The following RGS6 variants were observed in gnomAD, a reference collection of about 807,000 sequenced individuals.
RGS6 encodes regulator of G protein signaling 6, also known as regulator of G-protein signaling 6.
RGS6 carries 30 observed loss-of-function variants against 78.5 expected under a neutral mutation model. The observed-to-expected ratio is 0.38, with a 90% CI of 0.29 to 0.52. The LOEUF is 0.52. Ranked by LOEUF, RGS6 falls within the 20% of genes least tolerant of loss-of-function variation. The pLI is 0.85. For missense variants in RGS6, 495 were observed against 609.7 expected, an observed-to-expected ratio of 0.81 and a Z score of 1.98; for synonymous variants, 206 against 206.0, an observed-to-expected ratio of 1.00 and a Z score of 0.00.
intron 16 of RGS6, among the ~76,000 whole-genome samples, chr14:72,539,744 A>G (rs1469915125): frequency 1.3e-5 from 2 of 152,210 alleles, no homozygotes; most frequent in African/African-American, 2.4e-5. Context: ...CAGCAAAGTC[A>G]TGATGGTTCT....
intron 2 of RGS6, among the ~76,000 whole-genome samples, chr14:72,327,717 T>C (rs1444547813): frequency 6.6e-6 from 1 of 152,214 alleles, no homozygotes; most frequent in African/African-American, 2.4e-5. Context: ...GGACTTGAGA[T>C]GCCTGGGTTC....
chr14:72,243,359 T>C (rs1019488912), intron 2 of RGS6, among the ~76,000 whole-genome samples: 5 of 151,968 alleles, frequency 3.3e-5, no homozygotes, highest in Non-Finnish European at 5.9e-5. Context: ...ATCTTGACTT[T>C]TGTCGCCACC....
intron 13 of RGS6, among the ~76,000 whole-genome samples, chr14:72,507,020 T>C (rs1431026783): frequency 1.8e-5 from 1 of 54,826 alleles, no homozygotes; most frequent in African/African-American, 5.0e-5. Context: ...AAAAAAAAAA[T>C]TAGCTGGCCA....
At chr14:72,457,401 G>A (rs1452212083) in intron 4 of RGS6, among the ~76,000 whole-genome samples, 1 of 152,154 alleles carries the variant, frequency 6.6e-6, no homozygotes, top group South Asian at 2.1e-4. Context: ...AAGATTGTGT[G>A]TGGTAGAAGC....
At chr14:71,925,327 C>T in the RGS6 span, among the ~76,000 whole-genome samples, 63,924 of 152,046 alleles carry the variant, frequency 0.42, 13,664 homozygotes, top group Admixed American at 0.5. Context: ...AGACATAAGG[C>T]TTGCAGGTAT....
chr14:72,622,669 C>A, the RGS6 span, among the ~76,000 whole-genome samples: 17 of 152,014 alleles, frequency 1.1e-4, no homozygotes, highest in Non-Finnish European at 2.1e-4. Flanking sequence ...CTTCCACCAC[C>A]AAGAGCCCCC....
At chr14:72,331,055 C>T (rs1399158588) in intron 2 of RGS6, among the ~76,000 whole-genome samples, 1 of 152,112 alleles carries the variant, frequency 6.6e-6, no homozygotes, top group Non-Finnish European at 1.5e-5. Flanking sequence ...GAGGATCAGT[C>T]TGTAGAGGGA....
chr14:72,265,603 C>T (rs1475922241), intron 2 of RGS6, among the ~76,000 whole-genome samples: 1 of 152,202 alleles, frequency 6.6e-6, no homozygotes, highest in Non-Finnish European at 1.5e-5. Flanking sequence ...CCACCTGCCG[C>T]TAACTACTGA....
At chr14:72,322,896 A>G (rs2072495462) in intron 2 of RGS6, among the ~76,000 whole-genome samples, 1 of 152,118 alleles carries the variant, frequency 6.6e-6, no homozygotes, top group African/African-American at 2.4e-5. Context: ...AGAGACATAC[A>G]CACATACATA....
intron 2 of RGS6, among the ~76,000 whole-genome samples, chr14:72,206,118 C>T (rs1211232443): frequency 6.6e-6 from 1 of 152,148 alleles, no homozygotes; most frequent in African/African-American, 2.4e-5. Context: ...CTATAATAGA[C>T]CAGGTAAATC....
At chr14:71,885,927 C>T in the RGS6 span, among the ~76,000 whole-genome samples, 3 of 150,874 alleles carry the variant, frequency 2.0e-5, no homozygotes, top group South Asian at 6.3e-4. Flanking sequence ...TCTTTCCCTC[C>T]CTCCCACTCT....
chr14:71,911,703 T>A, the RGS6 span, among the ~76,000 whole-genome samples: 1 of 152,022 alleles, frequency 6.6e-6, no homozygotes, highest in Middle Eastern at 3.4e-3. Context: ...TGAAGAATCA[T>A]GAGGTTCATA....
intron 2 of RGS6, among the ~76,000 whole-genome samples, chr14:72,072,097 C>G (rs2094428368): frequency 6.6e-6 from 1 of 152,176 alleles, no homozygotes; most frequent in Non-Finnish European, 1.5e-5. Context: ...CAAGCATTGT[C>G]CCATTTAGTT....
chr14:72,317,348 C>T (rs1352467391), intron 2 of RGS6, among the ~76,000 whole-genome samples: 1 of 152,054 alleles, frequency 6.6e-6, no homozygotes, highest in Non-Finnish European at 1.5e-5. Flanking sequence ...AATTTTCTGT[C>T]TAGATTCATC....
intron 2 of RGS6, among the ~76,000 whole-genome samples, chr14:72,261,985 T>C (rs911106456): frequency 6.6e-6 from 1 of 152,230 alleles, no homozygotes; most frequent in African/African-American, 2.4e-5. Flanking sequence ...ATTAAATCAC[T>C]GTAATTCATG....
At chr14:72,262,534 A>G (rs1478576013) in intron 2 of RGS6, among the ~76,000 whole-genome samples, 2 of 152,144 alleles carry the variant, frequency 1.3e-5, no homozygotes, top group East Asian at 1.9e-4. Flanking sequence ...GCCTATCTCT[A>G]CATATATTCA....
chr14:72,303,071 A>G (rs918736875), intron 2 of RGS6, among the ~76,000 whole-genome samples: 1 of 152,136 alleles, frequency 6.6e-6, no homozygotes, highest in Non-Finnish European at 1.5e-5. Context: ...ACCTCTTTTT[A>G]TGTCTTTATT....
rs139366012 is a variant in RGS6 at position 72,156,013 on chromosome 14, C to T, written c.84+191138C>T. On this transcript the variant is annotated intron_variant, in intron 2 of 17. Coordinates refer to ENST00000553525, the MANE Select transcript of RGS6 (RefSeq NM_001204424.2). ...TTAAAAAATACTGACACTTGGGTTC[C>T]GCTCTTGGAAATTCTAATGGATCTG... 2.8e-3 allele frequency among the ~76,000 whole-genome samples: 420 copies of T among 152,310 alleles called. 3 individuals are homozygous for T. Among genetic ancestry groups the T allele is most frequent in the African/African-American group, 9.6e-3 (400 of 41,560 alleles).
intron 2 of RGS6, among the ~76,000 whole-genome samples, chr14:72,313,830 G>C (rs1445370355): frequency 6.6e-6 from 1 of 152,074 alleles, no homozygotes; most frequent in Non-Finnish European, 1.5e-5. Flanking sequence ...GAAGATAAAA[G>C]CTTGCACTTC....
Sources: allele counts gnomAD v4.1 joint callset (sites outside exome capture counted in the v4.1 genomes callset), GRCh38; gene constraint gnomAD v4.1.1; transcripts MANE v1.5; gene names NCBI Gene and HGNC (gene_info 2026-07-23, HGNC 2026-07-21).